ANGPT1: variants seen among roughly 807,000 people sequenced by gnomAD.
ANGPT1 encodes angiopoietin-1.
In ANGPT1, 17 loss-of-function variants were observed where a neutral mutation model predicts 62.2. The ratio of observed to expected loss-of-function variants is 0.27; its 90% confidence interval spans 0.19 to 0.41. The LOEUF is 0.41. Among genes scored for constraint, ANGPT1 ranks in the 10% least tolerant of loss-of-function variants. ANGPT1 has a pLI of 1.00. For synonymous variants in ANGPT1, 199 were observed against 198.9 expected (o/e 1.00, Z 0.00); for missense variants, 478 against 594.9 (o/e 0.80, Z 2.04).
rs142965823 is a variant in ANGPT1 at position 107,320,278 on chromosome 8, A to G, written c.808+1618T>C. ...CACATCCTCTTCCTCTAAAAGCTTA[A>G]AGACACATTTATTAGGCAAATACTC... On this transcript the variant is annotated intron_variant, in intron 4 of 8. Coordinates refer to ENST00000517746, the MANE Select transcript of ANGPT1 (RefSeq NM_001146.5). 6.0e-4 allele frequency among the ~76,000 whole-genome samples: 92 copies of G among 152,264 alleles called. No homozygotes were observed. In the East Asian group the frequency reaches 6.8e-3, roughly 11 times the overall value.
At chr8:107,395,169 C>T (rs1816911415) in intron 1 of ANGPT1, among the ~76,000 whole-genome samples, 1 of 152,100 alleles carries the variant, frequency 6.6e-6, no homozygotes, top group Non-Finnish European at 1.5e-5. Context: ...ACCATGTCTT[C>T]ATTGAGTACT....
At chr8:107,341,564 T>A (rs1213188255) in intron 2 of ANGPT1, among the ~76,000 whole-genome samples, 3 of 148,492 alleles carry the variant, frequency 2.0e-5, no homozygotes, top group Non-Finnish European at 4.5e-5. Flanking sequence ...ATTATATAAC[T>A]ATTACATAAT....
intron 1 of ANGPT1, among the ~76,000 whole-genome samples, chr8:107,479,830 T>C (rs966778200): frequency 2.0e-5 from 3 of 152,192 alleles, no homozygotes; most frequent in East Asian, 1.9e-4. Flanking sequence ...GGATGGTCTA[T>C]GAAGCTTTTA....
intron 1 of ANGPT1, among the ~76,000 whole-genome samples, chr8:107,490,683 A>T (rs1474762416): frequency 1.3e-5 from 2 of 152,168 alleles, no homozygotes; most frequent in African/African-American, 4.8e-5. Flanking sequence ...ACTTTTTCTC[A>T]AAAGGGCTGG....
chr8:107,462,815 AAAAC>A (rs986731602), intron 1 of ANGPT1, among the ~76,000 whole-genome samples: 9 of 152,256 alleles, frequency 5.9e-5, no homozygotes, highest in South Asian at 2.1e-4. Context: ...TCCCAATCCA[AAAAC>A]AAACAAACAA....
At chr8:107,494,191 T>C (rs141147012) in intron 1 of ANGPT1, among the ~76,000 whole-genome samples, 85 of 152,306 alleles carry the variant, frequency 5.6e-4, no homozygotes, top group African/African-American at 2.0e-3. Flanking sequence ...TCTTAGAACA[T>C]TATACATATT....
intron 3 of ANGPT1, among the ~76,000 whole-genome samples, chr8:107,322,444 A>G (rs1458003180): frequency 6.6e-6 from 1 of 152,192 alleles, no homozygotes; most frequent in Non-Finnish European, 1.5e-5. Context: ...CACTCTAAAG[A>G]AGTTATAGTA....
intron 3 of ANGPT1, among the ~76,000 whole-genome samples, chr8:107,323,163 A>G (rs1191757774): frequency 2.0e-5 from 3 of 152,130 alleles, no homozygotes; most frequent in Admixed American, 2.0e-4. Flanking sequence ...TGTATATTGC[A>G]CATTAAAAAT....
At chr8:107,418,007 T>G (rs1039557562) in intron 1 of ANGPT1, among the ~76,000 whole-genome samples, 11 of 152,212 alleles carry the variant, frequency 7.2e-5, no homozygotes, top group African/African-American at 2.7e-4. Flanking sequence ...GTTTATCTTC[T>G]GGTAACATGT....
At chr8:107,485,985 G>C (rs1337444136) in intron 1 of ANGPT1, among the ~76,000 whole-genome samples, 1 of 152,198 alleles carries the variant, frequency 6.6e-6, no homozygotes, top group Non-Finnish European at 1.5e-5. Context: ...TCTGCGGTCT[G>C]TTAACAGGCC....
intron 5 of ANGPT1, among the ~76,000 whole-genome samples, chr8:107,298,637 T>C (rs908323198): frequency 6.6e-6 from 1 of 151,548 alleles, no homozygotes; most frequent in African/African-American, 2.4e-5. Context: ...TCAAAGACAT[T>C]TTTTTTTGGC....
intron 4 of ANGPT1, among the ~76,000 whole-genome samples, chr8:107,311,414 A>C (rs115639580): frequency 0.036 from 5,546 of 152,238 alleles, 321 homozygotes; most frequent in African/African-American, 0.13. Flanking sequence ...GTAATTTTTC[A>C]TCACATTTAA....
At chr8:107,307,922 A>C (rs1256775454) in intron 4 of ANGPT1, among the ~76,000 whole-genome samples, 2 of 152,028 alleles carry the variant, frequency 1.3e-5, no homozygotes, top group African/African-American at 4.8e-5. Context: ...CTTCCAAACC[A>C]GGTGTTTGCT....
At chr8:107,496,000 G>A (rs1303657441) in intron 1 of ANGPT1, among the ~76,000 whole-genome samples, 1 of 152,110 alleles carries the variant, frequency 6.6e-6, no homozygotes, top group Non-Finnish European at 1.5e-5. Flanking sequence ...AGTCCCTAGT[G>A]GACAAAAGTA....
chr8:107,281,290 T>C (rs1813997980), intron 7 of ANGPT1, among the ~76,000 whole-genome samples: 1 of 152,202 alleles, frequency 6.6e-6, no homozygotes, highest in Non-Finnish European at 1.5e-5. Context: ...ATTTCCATGA[T>C]AGAATATGTT....
At chr8:107,278,742 AACAGCTCCAG>A (rs1813924784) in intron 7 of ANGPT1, among the ~76,000 whole-genome samples, 1 of 152,192 alleles carries the variant, frequency 6.6e-6, no homozygotes, top group African/African-American at 2.4e-5. Flanking sequence ...TGATGCTGGC[AACAGCTCCAG>A]ACCCACCACA....
intron 1 of ANGPT1, among the ~76,000 whole-genome samples, chr8:107,444,210 T>C (rs1015487420): frequency 6.6e-6 from 1 of 152,160 alleles, no homozygotes. Flanking sequence ...AGCAAGATAT[T>C]TAGCAACACT....
At chr8:107,378,030 A>G (rs1479715043) in intron 1 of ANGPT1, among the ~76,000 whole-genome samples, 1 of 152,220 alleles carries the variant, frequency 6.6e-6, no homozygotes, top group African/African-American at 2.4e-5. Flanking sequence ...TAGTTGAAAA[A>G]TCACCCACTG....
intron 1 of ANGPT1, among the ~76,000 whole-genome samples, chr8:107,375,157 TCAAACAAACAAA>T (rs56165041): frequency 2.7e-5 from 4 of 150,612 alleles, no homozygotes; most frequent in South Asian, 2.1e-4. Flanking sequence ...AGACTCCATC[TCAAACAAACAAA>T]CAAACAAACA....
Sources: gnomAD v4.1 joint callset for allele counts (sites outside exome capture counted in the v4.1 genomes callset) on GRCh38, gnomAD v4.1.1 for gene constraint, MANE v1.5 for transcripts, NCBI Gene and HGNC (gene_info 2026-07-23, HGNC 2026-07-21) for gene names.